LGR6: variants seen among roughly 807,000 people sequenced by gnomAD.
LGR6 encodes leucine rich repeat containing G protein-coupled receptor 6, also known as leucine-rich repeat-containing G protein-coupled receptor 6.
LGR6 carries 45 observed loss-of-function variants against 69.4 expected under a neutral mutation model. The observed-to-expected ratio is 0.65, with a 90% confidence interval of 0.51 to 0.83. The LOEUF (loss-of-function observed/expected upper bound fraction) is 0.83. Among genes scored for constraint, LGR6 ranks in the 40% least tolerant of loss-of-function variants. LGR6 has a pLI of 0.00. For missense variants in LGR6, 1,108 were observed against 1,246.7 expected (o/e 0.89, Z 1.68); for synonymous variants, 538 against 555.0 (o/e 0.97, Z 0.43).
Position 202,305,689 on chromosome 1 carries a change from T to C in LGR6, c.1076T>C (p.Leu359Pro). Reference sequence around the variant, plus strand: ...GGCCTTTCTCTTTTCCCCAGGGAACTGTCTCACAATCAAATTGAGGAGCTG... The same window carrying C: ...GGCCTTTCTCTTTTCCCCAGGGAACCGTCTCACAATCAAATTGAGGAGCTG... ...QQLPRLRVLELSHNQIEELPS... is the reference protein window; with the variant it reads ...QQLPRLRVLEPSHNQIEELPS... Residue 359 changes from leucine (L) to proline (P), a missense_variant, in exon 12 of 18, where the codon CTG becomes CCG. Leu to Pro is a moderately conservative substitution (Grantham distance 98, BLOSUM62 -3). Transcript: ENST00000367278. The C allele has an allele frequency of 1.9e-6, 3 of 1,613,812 alleles. No homozygotes were observed. The highest frequency in any genetic ancestry group is 2.5e-6 in the Non-Finnish European group (3 of 1,179,980).
chr1:202,242,302 A>G (rs1053940284), intron 4 of LGR6, among the ~76,000 whole-genome samples: 1 of 152,174 alleles, frequency 6.6e-6, no homozygotes, highest in African/African-American at 2.4e-5. Context: ...TCCAACTCCA[A>G]AGTACCAGGT....
At chr1:202,238,501 GCA>G (rs897766789) in intron 4 of LGR6, among the ~76,000 whole-genome samples, 3 of 143,030 alleles carry the variant, frequency 2.1e-5, no homozygotes, top group Admixed American at 7.4e-5. Context: ...TCAGCTCACT[GCA>G]ACCTCCGCCT....
rs146771876 is a variant in LGR6 at position 202,310,191 on chromosome 1, C to T, written c.1407-6C>T. ...GCAGCCAATCAGCCTGCCTCTCCCCCACCAGGATCCTGGAGGTGCCTTATG... is the reference window on the plus strand; with the variant it reads ...GCAGCCAATCAGCCTGCCTCTCCCCTACCAGGATCCTGGAGGTGCCTTATG... On this transcript the variant is annotated splice_region_variant and splice_polypyrimidine_tract_variant and intron_variant, in intron 15 of 17. Transcript: ENST00000367278. 12 of 1,613,456 alleles carry T rather than the reference C, an allele frequency of 7.4e-6. No homozygotes were observed. In the East Asian group the frequency reaches 1.6e-4, roughly 21 times the overall value.
intron 3 of LGR6, among the ~76,000 whole-genome samples, 180 bp from the exon 4 acceptor site, chr1:202,235,742 C>T (rs1183795335): frequency 6.6e-6 from 1 of 152,176 alleles, no homozygotes; most frequent in East Asian, 1.9e-4. Flanking sequence ...GGGACCTCAG[C>T]AGCCTCTGAA....
intron 16 of LGR6, 72 bp from the exon 17 acceptor site, chr1:202,314,730 G>T (rs927503681): frequency 3.0e-6 from 3 of 1,013,314 alleles, no homozygotes; most frequent in Non-Finnish European, 4.7e-6. Flanking sequence ...AAAGGAGGGG[G>T]CATTTGGAGA....
chr1:202,295,574 T>C (rs538743996), intron 6 of LGR6, among the ~76,000 whole-genome samples: 5 of 152,214 alleles, frequency 3.3e-5, no homozygotes, highest in Non-Finnish European at 7.3e-5. Flanking sequence ...CTAGGCATTT[T>C]CTGTAGCCCC....
intron 4 of LGR6, among the ~76,000 whole-genome samples, chr1:202,253,619 T>C (rs1159493198): frequency 8.3e-6 from 1 of 120,574 alleles, no homozygotes; most frequent in African/African-American, 3.0e-5. Flanking sequence ...GTCCTACTAT[T>C]CTTTTTTTTT....
chr1:202,277,884 T>G, intron 5 of LGR6, among the ~76,000 whole-genome samples: 1 of 151,112 alleles, frequency 6.6e-6, no homozygotes, highest in African/African-American at 2.4e-5. Flanking sequence ...CCTGGAAAGA[T>G]GATGAAATGA....
chr1:202,303,345 C>T lies in LGR6; in HGVS notation c.996C>T (p.Ile332=), dbSNP rs755200145. Residue 332 remains isoleucine (I), a splice_region_variant and synonymous_variant, in exon 10 of 18, where the codon ATC becomes ATT. Coordinates refer to ENST00000367278, the MANE Select transcript of LGR6 (RefSeq NM_001017403.2). ...PDLKGTTSLE[I]LTLTRAGIRL... is the part of the protein sequence containing the mutation. ...TCAAAGGCACCACCAGCCTGGAGAT[C>T]CTGTGAGTGGCTTCTCTCTCCCTAC... 1.2e-6 allele frequency: 2 copies of T among 1,612,472 alleles called. No homozygotes were observed. The highest frequency in any genetic ancestry group is 1.7e-6 in the Non-Finnish European group (2 of 1,178,468).
At chr1:202,304,867 C>G (rs1282580271) in intron 11 of LGR6, among the ~76,000 whole-genome samples, 1 of 152,136 alleles carries the variant, frequency 6.6e-6, no homozygotes, top group Non-Finnish European at 1.5e-5. Context: ...ATATCCTCGT[C>G]TATAACATGG....
At chr1:202,267,072 TTAAAA>T (rs1558048833) in intron 4 of LGR6, among the ~76,000 whole-genome samples, 1 of 152,200 alleles carries the variant, frequency 6.6e-6, no homozygotes, top group Non-Finnish European at 1.5e-5. Flanking sequence ...CATGTGTCAG[TTAAAA>T]TAAAATTTAA....
At chr1:202,226,027 A>T (rs961430117) in intron 2 of LGR6, among the ~76,000 whole-genome samples, 3 of 152,150 alleles carry the variant, frequency 2.0e-5, no homozygotes, top group African/African-American at 7.2e-5. Context: ...GGCCTAAAGG[A>T]TCCATTTCTT....
intron 1 of LGR6, among the ~76,000 whole-genome samples, chr1:202,218,872 T>A (rs1362776758): frequency 6.6e-6 from 1 of 152,142 alleles, no homozygotes; most frequent in Non-Finnish European, 1.5e-5. Context: ...GGAGTACATA[T>A]ATGGAGGTTT....
intron 4 of LGR6, among the ~76,000 whole-genome samples, chr1:202,248,163 G>C (rs1355150751): frequency 2.0e-5 from 3 of 152,236 alleles, no homozygotes; most frequent in African/African-American, 7.2e-5. Flanking sequence ...GTGGGTGGAG[G>C]CTGCCCTCCT....
chr1:202,285,072 A>T lies in LGR6; in HGVS notation c.716+4220A>T, dbSNP rs545301841. Among the ~76,000 whole-genome samples the T allele has an allele frequency of 5.3e-5, 8 of 152,346 alleles. No homozygotes were observed. In the East Asian group the frequency reaches 1.5e-3, roughly 29 times the overall value. On this transcript the variant is annotated intron_variant, in intron 6 of 17. Transcript: ENST00000367278. The stretch of plus-strand genomic sequence containing the variant: ...GGCCTGGGACAGGAAGAGGGCAAAG[A>T]AGAAATGTATTGAATTCTGCCTTAT...
chr1:202,254,314 G>A (rs1488054845), intron 4 of LGR6, among the ~76,000 whole-genome samples: 2 of 152,228 alleles, frequency 1.3e-5, no homozygotes, highest in Non-Finnish European at 2.9e-5. Flanking sequence ...CAGGGTGGGA[G>A]CCTGAGGCAG....
At chr1:202,196,073 G>A (rs1401859834) in intron 1 of LGR6, among the ~76,000 whole-genome samples, 2 of 152,152 alleles carry the variant, frequency 1.3e-5, no homozygotes, top group African/African-American at 4.8e-5. Context: ...CAAGACTCAG[G>A]GGATGCTTCT....
chr1:202,209,436 T>C (rs909429489), intron 1 of LGR6, among the ~76,000 whole-genome samples: 2 of 152,074 alleles, frequency 1.3e-5, no homozygotes, highest in African/African-American at 4.8e-5. Flanking sequence ...GGCAACATCT[T>C]TGTGAGAAAT....
At chr1:202,217,986 C>A (rs1659898744) in intron 1 of LGR6, among the ~76,000 whole-genome samples, 1 of 152,162 alleles carries the variant, frequency 6.6e-6, no homozygotes, top group African/African-American at 2.4e-5. Flanking sequence ...TCTGAGACAA[C>A]TTTGTGTCAT....
Sources: allele counts gnomAD v4.1 joint callset (sites outside exome capture counted in the v4.1 genomes callset), GRCh38; gene constraint gnomAD v4.1.1; transcripts MANE v1.5; gene names NCBI Gene and HGNC (gene_info 2026-07-23, HGNC 2026-07-21).